ADGRL4: variants seen among roughly 807,000 people sequenced by gnomAD.
ADGRL4 encodes adhesion G protein-coupled receptor L4, also known as EGF, latrophilin and seven transmembrane domain containing 1.
A neutral mutation model predicts 74.8 loss-of-function variants in ADGRL4; 90 were observed. That is an observed-to-expected ratio of 1.20 (90% confidence interval 1.02 to 1.43). The LOEUF (loss-of-function observed/expected upper bound fraction) is 1.43, where lower values mean the gene tolerates loss of function less well. Ranked by LOEUF, ADGRL4 falls within the 40% of genes most tolerant of loss-of-function variation. The probability of loss-of-function intolerance (pLI) is 0.00; values close to 1 mark genes in which losing one functional copy is unlikely to be tolerated. For synonymous variants in ADGRL4, 311 were observed against 279.2 expected (o/e 1.11, Z -1.14); for missense variants, 881 against 814.3 (o/e 1.08, Z -1.00).
Position 78,937,881 on chromosome 1 carries a change from A to G in ADGRL4, c.686T>C (p.Val229Ala), listed in dbSNP as rs1557504695. Residue 229 changes from valine to alanine, a missense_variant, in exon 6 of 15, where the codon GTT becomes GCT. Transcript: ENST00000370742. The stretch of plus-strand genomic sequence containing the variant: ...GGATATCCTTAAAGTAGCTTGTTCA[A>G]CAGTGTGCATGAGTTTTGTAAGATG... ...RTHLTKLMHT[V>A]EQATLRISQS... The G allele has an allele frequency of 1.2e-6, 2 of 1,614,042 alleles. No individual in the cohort carries two copies. The highest frequency in any genetic ancestry group is 1.7e-5 in the Admixed American group (1 of 60,020).
Sources: allele counts gnomAD v4.1 joint callset, GRCh38; gene constraint gnomAD v4.1.1; transcripts MANE v1.5; gene names NCBI Gene and HGNC (gene_info 2026-07-23, HGNC 2026-07-21).